SNRPN: variants seen among roughly 807,000 people sequenced by gnomAD.
SNRPN encodes small nuclear ribonucleoprotein-associated protein N.
Under a neutral mutation model 25.2 loss-of-function variants are expected in SNRPN, and 7 were observed. That is an observed-to-expected ratio of 0.28 (90% CI 0.16 to 0.52). The LOEUF (loss-of-function observed/expected upper bound fraction) is 0.52, where lower values mean the gene tolerates loss of function less well. SNRPN is among the 20% of genes least tolerant of loss of function. The probability of loss-of-function intolerance (pLI) is 0.96; values close to 1 mark genes in which losing one functional copy is unlikely to be tolerated. For synonymous variants in SNRPN, 124 were observed against 110.6 expected (o/e 1.12, Z -0.76); for missense variants, 196 against 322.5 (o/e 0.61, Z 3.00).
intron 1 of SNRPN, among the ~76,000 whole-genome samples, chr15:24,878,993 A>C (rs997965059): frequency 3.9e-5 from 6 of 152,012 alleles, no homozygotes; most frequent in East Asian, 3.8e-4. Context: ...TTTAAGAAAA[A>C]TTATACAAGG....
rs560969623 is a variant in SNRPN, at chr15:24,868,365, G to A, written c.-579+11649G>A. Among the ~76,000 whole-genome samples, 3 of 152,272 alleles carry A rather than the reference G, an allele frequency of 2.0e-5. No homozygotes were observed. The South Asian group carries it at 6.2e-4, about 32-fold the overall frequency. ...TTCCTTGGCTGGCTGTTGTCCAGAG[G>A]CTGCATTCAGCTCCTTCCCATGTTG... On this transcript the variant is annotated intron_variant, in intron 1 of 11. Transcript: ENST00000400097.
At chr15:24,844,456 G>A (rs4906921) in intron 2 of SNRPN, among the ~76,000 whole-genome samples, 19,288 of 152,022 alleles carry the variant, frequency 0.13, 1,554 homozygotes, top group East Asian at 0.3. Context: ...GTGCCATCTC[G>A]TCTTTCTCTT....
chr15:24,964,191 A>AT (rs1392354666), intron 2 of SNRPN, among the ~76,000 whole-genome samples: 1 of 152,022 alleles, frequency 6.6e-6, no homozygotes, highest in Non-Finnish European at 1.5e-5. Flanking sequence ...TGGAAGACGT[A>AT]TTTTATGTAC....
chr15:24,869,231 G>T (rs1469150697), intron 1 of SNRPN, among the ~76,000 whole-genome samples: 2 of 152,120 alleles, frequency 1.3e-5, no homozygotes. Flanking sequence ...TTATAAAAAA[G>T]AAACTTGTTA....
chr15:24,882,299 C>T (rs1420514074), intron 1 of SNRPN, among the ~76,000 whole-genome samples: 2 of 151,836 alleles, frequency 1.3e-5, no homozygotes, highest in Non-Finnish European at 2.9e-5. Context: ...TGAAGGTAAA[C>T]ATCTTACATA....
At chr15:24,869,804 A>C (rs1477053746) in intron 1 of SNRPN, among the ~76,000 whole-genome samples, 1 of 152,184 alleles carries the variant, frequency 6.6e-6, no homozygotes, top group Non-Finnish European at 1.5e-5. Context: ...ATAAGTCAGC[A>C]TACATAGCAC....
At chr15:24,932,648 G>T (rs1595989655) in intron 3 of SNRPN, among the ~76,000 whole-genome samples, 1 of 145,088 alleles carries the variant, frequency 6.9e-6, no homozygotes, top group Non-Finnish European at 1.5e-5. Context: ...GTCTGTAAAT[G>T]TTTTTTTTTT....
chr15:24,870,354 C>A (rs944792427), intron 1 of SNRPN, among the ~76,000 whole-genome samples: 1 of 152,060 alleles, frequency 6.6e-6, no homozygotes, highest in Non-Finnish European at 1.5e-5. Context: ...GTATACTAAC[C>A]CACACATATA....
chr15:24,926,412 A>G (rs985130677), intron 3 of SNRPN, among the ~76,000 whole-genome samples: 3 of 152,112 alleles, frequency 2.0e-5, no homozygotes, highest in African/African-American at 7.2e-5. Context: ...CACATAAATT[A>G]TTGTCCTGAC....
chr15:24,840,208 A>G (rs11630736), intron 2 of SNRPN, among the ~76,000 whole-genome samples: 28,117 of 152,120 alleles, frequency 0.18, 2,731 homozygotes, highest in Admixed American at 0.21. Context: ...AAATAGAAAA[A>G]TTAGCCGGAC....
upstream of SNRPN, among the ~76,000 whole-genome samples, chr15:24,954,512 G>A (rs2062528295): frequency 6.6e-6 from 1 of 152,158 alleles, no homozygotes; most frequent in South Asian, 2.1e-4. Context: ...TTTGAACAAT[G>A]TAGCATGCTT....
intron 2 of SNRPN, among the ~76,000 whole-genome samples, chr15:24,886,741 G>C (rs565806923): frequency 9.4e-4 from 143 of 152,306 alleles, no homozygotes; most frequent in African/African-American, 3.3e-3. Context: ...GTGACATGAC[G>C]TCGTTTATGA....
At chr15:24,901,575 T>C (rs572284734) in intron 2 of SNRPN, among the ~76,000 whole-genome samples, 7 of 152,214 alleles carry the variant, frequency 4.6e-5, no homozygotes. Flanking sequence ...TATGCTCAAT[T>C]GGTGACAAAA....
chr15:24,824,052 A>G (rs922577404), intron 1 of SNRPN, among the ~76,000 whole-genome samples: 5 of 152,134 alleles, frequency 3.3e-5, no homozygotes, highest in Non-Finnish European at 7.3e-5. Context: ...TAATTAAATG[A>G]AAATAGCACT....
chr15:24,926,919 G>A (rs2060423648), intron 3 of SNRPN, among the ~76,000 whole-genome samples: 1 of 152,046 alleles, frequency 6.6e-6, no homozygotes, highest in Admixed American at 6.6e-5. Flanking sequence ...GCTGAGGCAG[G>A]AGGATCGCTT....
intron 3 of SNRPN, among the ~76,000 whole-genome samples, chr15:24,941,454 G>A (rs1013578211): frequency 1.3e-5 from 2 of 152,152 alleles, no homozygotes; most frequent in Non-Finnish European, 2.9e-5. Flanking sequence ...CAAGCACCAC[G>A]GCTGGTTGTG....
chr15:24,906,010 G>T (rs181495687), intron 2 of SNRPN, among the ~76,000 whole-genome samples: 38 of 152,246 alleles, frequency 2.5e-4, no homozygotes, highest in African/African-American at 9.1e-4. Context: ...TATAACAAAA[G>T]ACATATTAAT....
intron 1 of SNRPN, among the ~76,000 whole-genome samples, chr15:24,867,623 C>G (rs979086905): frequency 6.6e-6 from 1 of 152,188 alleles, no homozygotes; most frequent in African/African-American, 2.4e-5. Context: ...ATCCACCCGC[C>G]TCGGCCTCCC....
chr15:24,966,952 A>G (rs1003451290), intron 2 of SNRPN: 9 of 152,122 alleles, frequency 5.9e-5, no homozygotes, highest in African/African-American at 2.2e-4. Flanking sequence ...TTTGTCTGGA[A>G]TTCCCTGCTT....
Sources: allele counts gnomAD v4.1 joint callset (sites outside exome capture counted in the v4.1 genomes callset), GRCh38; gene constraint gnomAD v4.1.1; transcripts MANE v1.5; gene names NCBI Gene and HGNC (gene_info 2026-07-23, HGNC 2026-07-21).